FGF14: variants seen among roughly 807,000 people sequenced by gnomAD.
The protein encoded by FGF14 is fibroblast growth factor homologous factor 4.
In FGF14, 5 loss-of-function variants were observed where a neutral mutation model predicts 25.5. That is an observed-to-expected ratio of 0.20 (90% CI 0.10 to 0.41). The LOEUF (loss-of-function observed/expected upper bound fraction) is 0.41. Ranked by LOEUF, FGF14 falls within the 10% of genes least tolerant of loss-of-function variation. The pLI is 1.00. For missense variants in FGF14, 222 were observed against 320.1 expected (o/e 0.69, Z 2.34); for synonymous variants, 138 against 118.3 (o/e 1.17, Z -1.08).
At chr13:101,805,893 G>T (rs886625776) in intron 3 of FGF14, among the ~76,000 whole-genome samples, 3 of 151,682 alleles carry the variant, frequency 2.0e-5, no homozygotes, top group African/African-American at 7.3e-5. Context: ...CTGAAACAAG[G>T]CAAATTCATC....
intron 1 of FGF14, among the ~76,000 whole-genome samples, chr13:102,157,536 A>C (rs1424658748): frequency 4.6e-5 from 7 of 152,308 alleles, no homozygotes; most frequent in Non-Finnish European, 1.0e-4. Flanking sequence ...TAAATGTTAG[A>C]TCTAAAACCA....
In FGF14 at chr13:101,916,719, G is replaced by A. The variant is rs1001135432; in HGVS notation, c.-74C>T. 8 of 1,333,608 alleles carry A rather than the reference G, an allele frequency of 6.0e-6. No individual in the cohort carries two copies. Among genetic ancestry groups the A allele is most frequent in the Non-Finnish European group, 8.0e-6 (8 of 1,002,828 alleles). 82.6% of individuals were successfully genotyped at this position (1,333,608 alleles called of 1,614,324 possible). On this transcript the variant is annotated 5_prime_UTR_variant, in exon 1 of 5. Coordinates refer to ENST00000376143, the MANE Select transcript of FGF14 (RefSeq NM_004115.4). Reference sequence around the variant, plus strand: ...AGCCGGGGGCACCGGAGGGGAAGGCGGCGGCGCAGACCGTGGCTCGCCCTC... The same window carrying A: ...AGCCGGGGGCACCGGAGGGGAAGGCAGCGGCGCAGACCGTGGCTCGCCCTC...
chr13:102,299,283 AT>A (rs34663317), intron 1 of FGF14, among the ~76,000 whole-genome samples: 22,283 of 152,044 alleles, frequency 0.15, 1,783 homozygotes, highest in East Asian at 0.38. Flanking sequence ...TGGAGAAGTG[AT>A]TTTTTTAAAT....
intron 1 of FGF14, among the ~76,000 whole-genome samples, chr13:102,308,055 T>C (rs966489540): frequency 6.6e-6 from 1 of 152,048 alleles, no homozygotes; most frequent in Admixed American, 6.6e-5. Flanking sequence ...ATCCAGGGTG[T>C]CCTCGAGACA....
At chr13:101,900,898 G>T (rs9557754) in intron 1 of FGF14, among the ~76,000 whole-genome samples, 45,096 of 151,990 alleles carry the variant, frequency 0.3, 7,082 homozygotes, top group East Asian at 0.45. Context: ...TTATGAAATA[G>T]AATTAAATGA....
At chr13:101,803,395 G>A (rs773516222) in intron 3 of FGF14, among the ~76,000 whole-genome samples, 2 of 152,226 alleles carry the variant, frequency 1.3e-5, no homozygotes, top group Non-Finnish European at 2.9e-5. Context: ...CTCCCAAAGT[G>A]CTGGGATTAC....
chr13:101,875,099 C>T, intron 2 of FGF14, 87 bp downstream of exon 2: 2 of 907,912 alleles, frequency 2.2e-6, no homozygotes, highest in Non-Finnish European at 3.7e-6. Flanking sequence ...CACGACCAAA[C>T]ATTTGCAAAT....
intron 1 of FGF14, among the ~76,000 whole-genome samples, chr13:101,987,577 A>G (rs1410832358): frequency 6.6e-6 from 1 of 152,042 alleles, no homozygotes; most frequent in Non-Finnish European, 1.5e-5. Flanking sequence ...TTTATATAAG[A>G]AAGTTTATAT....
chr13:101,911,977 A>G (rs573905219), intron 1 of FGF14, among the ~76,000 whole-genome samples: 110 of 151,412 alleles, frequency 7.3e-4, no homozygotes, highest in Non-Finnish European at 1.3e-3. Flanking sequence ...TGGTAATGAC[A>G]CTAAAACAGT....
rs57953786 is a variant in FGF14 at position 102,366,618 on chromosome 13, C to CAAAAAAAAAAAAA, written c.208+34840_208+34852dup. ...TGAAACACTGACCACATTCTCCTTG[C>CAAAAAAAAAAAAA]AAAAAAAAAAAAAAAAAAAAAAAAG... On this transcript the variant is annotated intron_variant, in intron 1 of 4. Coordinates refer to the FGF14 transcript ENST00000376131. 3 of 46,792 alleles carry CAAAAAAAAAAAAA rather than the reference C, an allele frequency of 6.4e-5. 1 individual carries two copies. The highest frequency in any genetic ancestry group is 8.5e-5 in the Non-Finnish European group (2 of 23,666). The allele number at this position is 46,792 out of a possible 1,614,324, so 2.9% of individuals were successfully genotyped here.
chr13:102,342,214 G>A lies in FGF14; in HGVS notation c.208+59257C>T, dbSNP rs2056973083. ...GGGCACTTTTCTGCAGGGGAACAAT[G>A]AAGAGCAATGGAAAGTAAGCGGTGG... On this transcript the variant is annotated intron_variant, in intron 1 of 4. Transcript: ENST00000376131. 2.6e-5 allele frequency among the ~76,000 whole-genome samples: 4 copies of A among 152,112 alleles called. No individual in the cohort carries two copies. In the South Asian group the frequency reaches 8.3e-4, roughly 32 times the overall value.
intron 1 of FGF14, among the ~76,000 whole-genome samples, chr13:102,387,615 G>A (rs1233163314): frequency 1.3e-5 from 2 of 152,004 alleles, no homozygotes; most frequent in Non-Finnish European, 2.9e-5. Flanking sequence ...GGGTGCATGT[G>A]CAGGTTTGTT....
intron 3 of FGF14, among the ~76,000 whole-genome samples, chr13:101,820,678 A>T (rs1594368928): frequency 6.6e-6 from 1 of 151,988 alleles, no homozygotes; most frequent in East Asian, 1.9e-4. Flanking sequence ...CTATGATTAT[A>T]CCCCCTTTTT....
chr13:102,118,262 GATAA>G lies in FGF14; in HGVS notation c.209-242970_209-242967del, dbSNP rs1352474634. 1.2e-4 allele frequency among the ~76,000 whole-genome samples: 18 copies of G among 151,782 alleles called. No individual in the cohort carries two copies. In the South Asian group the frequency reaches 2.7e-3, roughly 23 times the overall value. On this transcript the variant is annotated intron_variant, in intron 1 of 4. Coordinates refer to the FGF14 transcript ENST00000376131. ...CATCATTGTAGTTATATACGTATGG[GATAA>G]ATAAATATATTGTTATTAGGAACCA...
chr13:102,325,052 G>A, intron 1 of FGF14, among the ~76,000 whole-genome samples: 1 of 151,882 alleles, frequency 6.6e-6, no homozygotes, highest in Non-Finnish European at 1.5e-5. Flanking sequence ...TTTAAAAAAA[G>A]AGGAAAAGAT....
At chr13:101,865,136 T>C (rs930887178) in intron 3 of FGF14, among the ~76,000 whole-genome samples, 1 of 152,206 alleles carries the variant, frequency 6.6e-6, no homozygotes, top group Non-Finnish European at 1.5e-5. Context: ...TCACTTCAAC[T>C]ATCCTTTATC....
At chr13:102,308,980 C>T (rs921620526) in intron 1 of FGF14, among the ~76,000 whole-genome samples, 3 of 150,386 alleles carry the variant, frequency 2.0e-5, no homozygotes, top group African/African-American at 7.3e-5. Flanking sequence ...AAAGTATCTG[C>T]AGAAATGTAG....
chr13:102,289,724 T>C (rs894470235), intron 1 of FGF14, among the ~76,000 whole-genome samples: 1 of 152,302 alleles, frequency 6.6e-6, no homozygotes. Context: ...CTGTGTCATA[T>C]CTTAATTTGC....
rs1323892361 is a variant in FGF14, at chr13:101,887,509, T to G, written c.194-12213A>C. On this transcript the variant is annotated intron_variant, in intron 1 of 4. Coordinates refer to ENST00000376143, the MANE Select transcript of FGF14 (RefSeq NM_004115.4). ...GTGAAATAAGGCACAGAAAGACAGA[T>G]ATCTCATATTCTTGTGGGAGCTAAA... 3.3e-5 allele frequency among the ~76,000 whole-genome samples: 5 copies of G among 152,072 alleles called. No homozygotes were observed. The East Asian group carries it at 9.6e-4, about 29-fold the overall frequency.
Sources: allele counts gnomAD v4.1 joint callset (sites outside exome capture counted in the v4.1 genomes callset), GRCh38; gene constraint gnomAD v4.1.1; transcripts MANE v1.5; gene names NCBI Gene and HGNC (gene_info 2026-07-23, HGNC 2026-07-21).